Variants in GOLGA3 observed in about 807,000 individuals in gnomAD.
The protein encoded by GOLGA3 is golgin A3.
Under a neutral mutation model 169.4 loss-of-function variants are expected in GOLGA3, and 75 were observed. That is an observed-to-expected ratio of 0.44 (90% CI 0.37 to 0.54). The LOEUF (loss-of-function observed/expected upper bound fraction) is 0.54, where lower values mean the gene tolerates loss of function less well. Among genes scored for constraint, GOLGA3 ranks in the 20% least tolerant of loss-of-function variants. GOLGA3 has a pLI of 0.00. For synonymous variants in GOLGA3, 824 were observed against 822.4 expected, an observed-to-expected ratio of 1.00 and a Z score of -0.03; for missense variants, 1,899 against 1,930.0, an observed-to-expected ratio of 0.98 and a Z score of 0.30.
In GOLGA3 at chr12:132,772,010, G is replaced by A. The variant is rs1454949947; in HGVS notation, c.*1095C>T. ...CACGGTGGAATCACACAGGGCCAGT[G>A]GCCTGAGAGGAAGAGACCAGCAGGA... On this transcript the variant is annotated 3_prime_UTR_variant, in exon 24 of 24. Coordinates refer to ENST00000450791, the MANE Select transcript of GOLGA3 (RefSeq NM_001389683.1). The A allele has an allele frequency of 3.3e-5, 5 of 152,232 alleles. No homozygotes were observed. Among genetic ancestry groups the A allele is most frequent in the Admixed American group, 3.3e-4 (5 of 15,288 alleles). The allele number at this position is 152,232 out of a possible 1,614,324, so 9.4% of individuals were successfully genotyped here.
intron 3 of GOLGA3, among the ~76,000 whole-genome samples, chr12:132,814,441 C>T (rs569966008): frequency 1.3e-5 from 2 of 152,302 alleles, no homozygotes; most frequent in African/African-American, 2.4e-5. Context: ...AGCAGGTTCT[C>T]GTGACCCCGC....
In GOLGA3 at chr12:132,807,166, A is replaced by G. The variant is rs766674400; in HGVS notation, c.1290+11T>C. 4.5e-6 allele frequency: 7 copies of G among 1,549,542 alleles called. No homozygotes were observed. Among genetic ancestry groups the G allele is most frequent in the Non-Finnish European group, 6.2e-6 (7 of 1,128,962 alleles). On this transcript the variant is annotated intron_variant, in intron 6 of 23. Transcript: ENST00000450791. ...CGCCGCACGCTGAGATGTCAGTCGA[A>G]CGTCCGTTACCTGACTCGCCTCCAG...
chr12:132,772,866 C>G lies in GOLGA3; in HGVS notation c.*239G>C. On this transcript the variant is annotated 3_prime_UTR_variant, in exon 24 of 24. Coordinates refer to ENST00000450791, the MANE Select transcript of GOLGA3 (RefSeq NM_001389683.1). ...AGTAACCCTTCAGACACGTTCAAAG[C>G]TCCTCGCCGAGAGCCTATCAGGCTT... 1 of 442,990 alleles carries G rather than the reference C, an allele frequency of 2.3e-6. No individual in the cohort carries two copies. Among genetic ancestry groups the G allele is most frequent in the Non-Finnish European group, 4.1e-6 (1 of 246,040 alleles). The allele number at this position is 442,990 out of a possible 1,614,324, so 27.4% of individuals were successfully genotyped here.
At chr12:132,786,909 C>T (rs1018155401) in intron 13 of GOLGA3, 122 bp from the exon 14 acceptor site, 27 of 693,930 alleles carry the variant, frequency 3.9e-5, no homozygotes, top group Admixed American at 2.9e-4. Flanking sequence ...AGGACTTGGG[C>T]CTTGAGAAAA....
chr12:132,814,319 C>T (rs1949860899), intron 3 of GOLGA3, among the ~76,000 whole-genome samples: 1 of 151,994 alleles, frequency 6.6e-6, no homozygotes, highest in East Asian at 1.9e-4. Context: ...CCACCGTGCC[C>T]GGCAGCAAGT....
chr12:132,814,103 C>T (rs76551342), intron 3 of GOLGA3, among the ~76,000 whole-genome samples: 6 of 147,254 alleles, frequency 4.1e-5, no homozygotes, highest in Non-Finnish European at 7.4e-5. Flanking sequence ...CGGCTCACCA[C>T]AACCTCTGCC....
chr12:132,777,433 G>A lies in GOLGA3; in HGVS notation c.3722+233C>T, dbSNP rs1291215554. Among the ~76,000 whole-genome samples the A allele has an allele frequency of 1.3e-5, 2 of 152,184 alleles. No individual in the cohort carries two copies. The highest frequency in any genetic ancestry group is 2.9e-5 in the Non-Finnish European group (2 of 68,038). On this transcript the variant is annotated intron_variant, in intron 19 of 23. Transcript: ENST00000450791. This position sits in a 1 kb window ranked among gnomAD's most constrained non-coding sequence, Gnocchi z 4.7. ...GGCCGCCCCTTCCCGCCTCTGACCTGAAGCTAAGTACTCCTGCTGGGGCGC... is the reference window on the plus strand; with the variant it reads ...GGCCGCCCCTTCCCGCCTCTGACCTAAAGCTAAGTACTCCTGCTGGGGCGC...
intron 18 of GOLGA3, 52 bp downstream of exon 18, chr12:132,780,746 A>T: frequency 9.1e-7 from 1 of 1,095,352 alleles, no homozygotes; most frequent in Non-Finnish European, 1.4e-6. Context: ...ATAGATTTCT[A>T]GGCACTGGAG....
In GOLGA3 at chr12:132,808,474, G is replaced by A; in HGVS notation, c.595C>T (p.Pro199Ser). The change falls in exon 5 of 24, where the codon CCA becomes TCA. Residue 199 changes from proline to serine, a missense_variant. Physicochemically the swap from Pro to Ser is moderately conservative, Grantham distance 74 (BLOSUM62 -1). Transcript: ENST00000450791. ...PELMLNPENL[P>S]RASTLAMTKE... is the part of the protein sequence containing the mutation. The stretch of plus-strand genomic sequence containing the variant: ...GTCATAGCCAGGGTACTGGCCCTTG[G>A]TAAGTTTTCTGGGTTTAACATGAGC... 1 of 1,614,014 alleles carries A rather than the reference G, an allele frequency of 6.2e-7. No individual in the cohort carries two copies. Among genetic ancestry groups the A allele is most frequent in the East Asian group, 2.2e-5 (1 of 44,886 alleles).
intron 11 of GOLGA3, among the ~76,000 whole-genome samples, chr12:132,795,632 A>G (rs1837477086): frequency 6.6e-6 from 1 of 152,132 alleles, no homozygotes; most frequent in Non-Finnish European, 1.5e-5. Flanking sequence ...ATGGTGGCGC[A>G]CACCTGTAAT....
At chr12:132,811,890 T>C (rs1346014716) in intron 4 of GOLGA3, 4 of 530,576 alleles carry the variant, frequency 7.5e-6, no homozygotes, top group African/African-American at 2.1e-5. Context: ...TGGGTGCCTG[T>C]AGTCCCAGCT....
chr12:132,778,093 A>G (rs371940752), intron 18 of GOLGA3, among the ~76,000 whole-genome samples: 2 of 152,348 alleles, frequency 1.3e-5, no homozygotes, highest in Non-Finnish European at 1.5e-5. Context: ...GTGTATTCAC[A>G]GCCTGGACAA....
chr12:132,828,239 C>T (rs1370120878), intron 1 of GOLGA3: 2 of 152,294 alleles, frequency 1.3e-5, no homozygotes, highest in African/African-American at 4.8e-5. Flanking sequence ...CCTGGGTGTC[C>T]CTGTCCTAGG....
At chr12:132,806,976 T>G (rs10431485) in intron 6 of GOLGA3, among the ~76,000 whole-genome samples, 2 of 152,128 alleles carry the variant, frequency 1.3e-5, no homozygotes, top group African/African-American at 4.8e-5. Flanking sequence ...AACACGCCCA[T>G]GCACGATGAG....
At chr12:132,781,750 A>G (rs185141998) in intron 17 of GOLGA3, among the ~76,000 whole-genome samples, 116 of 152,258 alleles carry the variant, frequency 7.6e-4, no homozygotes, top group Non-Finnish European at 1.3e-3. Flanking sequence ...CCTAGTCCTC[A>G]ATTCAGAGAG....
At chr12:132,792,967 A>C (rs57802233) in intron 11 of GOLGA3, among the ~76,000 whole-genome samples, 4,069 of 79,986 alleles carry the variant, frequency 0.051, 339 homozygotes, top group Non-Finnish European at 0.079. Flanking sequence ...CAGACCCACC[A>C]CACGGGATCT....
chr12:132,774,005 AC>A, intron 23 of GOLGA3, 151 bp downstream of exon 23: 1 of 636,640 alleles, frequency 1.6e-6, no homozygotes, highest in Non-Finnish European at 2.6e-6. Context: ...CCTTATATAA[AC>A]CTCAGAGGCT....
At position 132,816,783 on chromosome 12, in the gene GOLGA3, C is replaced by T. The variant is rs759995956; in HGVS notation, c.163G>A (p.Gly55Arg). ...TGGCCAGGTCCATCCGGGCTTTCCCCTTCCGTGGATGCTCTGTTTACCTCG... is the reference window on the plus strand; with the variant it reads ...TGGCCAGGTCCATCCGGGCTTTCCCTTTCCGTGGATGCTCTGTTTACCTCG... Reference protein sequence around the residue: ...CAEVNRASTEGESPDGPGQGG... With the variant: ...CAEVNRASTERESPDGPGQGG... Residue 55 changes from glycine (G) to arginine (R), a missense_variant, in exon 3 of 24, where the codon GGG (glycine) becomes AGG (arginine). Physicochemically the swap from Gly to Arg is moderately radical, Grantham distance 125. Transcript: ENST00000450791. 20 of 1,606,190 alleles carry T rather than the reference C, an allele frequency of 1.2e-5. No individual in the cohort carries two copies. Among genetic ancestry groups the T allele is most frequent in the African/African-American group, 1.1e-4 (8 of 74,706 alleles).
chr12:132,816,498 G>A (rs781635224), intron 3 of GOLGA3, 42 bp downstream of exon 3: 103 of 1,593,912 alleles, frequency 6.5e-5, no homozygotes, highest in East Asian at 1.1e-4. Flanking sequence ...GCTGAGCGAC[G>A]CGGACGTGGA....
Sources: gnomAD v4.1 joint callset for allele counts (sites outside exome capture counted in the v4.1 genomes callset) on GRCh38, gnomAD v4.1.1 for gene constraint, Gnocchi (gnomAD v3.1) non-coding constraint, MANE v1.5 for transcripts, NCBI Gene and HGNC (gene_info 2026-07-23, HGNC 2026-07-21) for gene names.